SLC26A8: variants seen among roughly 807,000 people sequenced by gnomAD.
The protein encoded by SLC26A8 is testis anion transporter 1.
In SLC26A8, 70 loss-of-function variants were observed where a neutral mutation model predicts 105.0. The observed-to-expected ratio is 0.67, with a 90% CI of 0.55 to 0.81. The LOEUF (loss-of-function observed/expected upper bound fraction) is 0.81, where lower values mean the gene tolerates loss of function less well. SLC26A8 is among the 40% of genes least tolerant of loss of function. The pLI is 0.00. For synonymous variants in SLC26A8, 415 were observed against 438.3 expected, an observed-to-expected ratio of 0.95 and a Z score of 0.66; for missense variants, 998 against 1,181.8, an observed-to-expected ratio of 0.84 and a Z score of 2.28.
intron 7 of SLC26A8, among the ~76,000 whole-genome samples, chr6:35,986,541 C>T (rs1411727908): frequency 6.6e-6 from 1 of 152,176 alleles, no homozygotes; most frequent in African/African-American, 2.4e-5. Flanking sequence ...CACCATTCTA[C>T]TCTTCACTTC....
chr6:35,980,085 G>C (rs1294531336), intron 8 of SLC26A8, among the ~76,000 whole-genome samples: 1 of 152,150 alleles, frequency 6.6e-6, no homozygotes, highest in Non-Finnish European at 1.5e-5. Flanking sequence ...TGATTCTCTT[G>C]CCTTAGCCTC....
At chr6:35,994,577 C>T (rs909597766) in intron 5 of SLC26A8, among the ~76,000 whole-genome samples, 20 of 132,006 alleles carry the variant, frequency 1.5e-4, no homozygotes, top group African/African-American at 4.9e-4. Context: ...TGCATCATCT[C>T]TTTTTTTTTT....
intron 2 of SLC26A8, among the ~76,000 whole-genome samples, chr6:36,015,477 G>A (rs1211996334): frequency 1.3e-5 from 2 of 152,140 alleles, no homozygotes; most frequent in Non-Finnish European, 2.9e-5. Context: ...GGAGAGAATT[G>A]TATGTTTTAG....
At chr6:36,013,166 G>T (rs1356228298) in intron 2 of SLC26A8, among the ~76,000 whole-genome samples, 1 of 150,442 alleles carries the variant, frequency 6.6e-6, no homozygotes, top group Non-Finnish European at 1.5e-5. Flanking sequence ...GTGCAGTTTT[G>T]TTCCCCTGTG....
chr6:35,957,496 TC>T (rs1444163058), intron 16 of SLC26A8, among the ~76,000 whole-genome samples: 1 of 152,048 alleles, frequency 6.6e-6, no homozygotes, highest in Non-Finnish European at 1.5e-5. Context: ...AGAGAGCTGT[TC>T]CCAAGGCTTG....
rs766978287 is a variant in SLC26A8 at position 35,959,761 on chromosome 6, T to C, written c.1684A>G (p.Ile562Val). The change falls in exon 15 of 20, where the codon ATT becomes GTT. Residue 562 changes from isoleucine (I) to valine (V), a missense_variant. By Grantham distance (29) the Ile-to-Val change is conservative. Coordinates refer to ENST00000490799, the MANE Select transcript of SLC26A8 (RefSeq NM_052961.4). ...AGGTAGTAAACATTTACAAATGTAA[T>C]TGAGCTGCAGCACTGGAAGATTTTC... is the stretch of plus-strand genomic sequence containing the variant. ...GVKIFQCCSSITFVNVYYLKH... is the reference protein window; with the variant it reads ...GVKIFQCCSSVTFVNVYYLKH... The C allele has an allele frequency of 1.4e-5, 22 of 1,609,936 alleles. No individual in the cohort carries two copies. Among genetic ancestry groups the C allele is most frequent in the Non-Finnish European group, 1.8e-5 (21 of 1,179,174 alleles).
intron 11 of SLC26A8, among the ~76,000 whole-genome samples, chr6:35,963,836 T>C (rs914560908): frequency 1.3e-5 from 2 of 152,240 alleles, no homozygotes; most frequent in African/African-American, 4.8e-5. Flanking sequence ...ACTGGGCTTT[T>C]CTTCATGTTG....
intron 11 of SLC26A8, among the ~76,000 whole-genome samples, chr6:35,965,338 C>T (rs1421904353): frequency 1.3e-5 from 2 of 152,044 alleles, no homozygotes; most frequent in South Asian, 2.1e-4. Flanking sequence ...ATATAAAAAT[C>T]GTTCAGGGCT....
In SLC26A8 at chr6:35,944,081, TC is replaced by T; in HGVS notation, c.2731del (p.Glu911SerfsTer63). 6.2e-7 allele frequency: 1 copy of T among 1,614,036 alleles called. No homozygotes were observed. Among genetic ancestry groups the T allele is most frequent in the East Asian group, 2.2e-5 (1 of 44,874 alleles). ...EPQPETEPEM[E>X]PNPKSRPRAH... is the part of the protein sequence containing the mutation. ...TCTTGGCCTAGATTTGGGGTTGGGC[TC>T]CATCTCAGGCTCAGTCTCAGGCTGG... On this transcript the variant is annotated frameshift_variant, in exon 20 of 20. Transcript: ENST00000490799. LOFTEE classifies it high-confidence loss of function.
rs368161953 is a variant in SLC26A8, at chr6:36,007,937, G to A, written c.328+4296C>T. ...AAATCGAGACCGTCCTGGCTAACGCGGTGAAACCACGTGTCTACTAAAAAT... is the reference window on the plus strand; with the variant it reads ...AAATCGAGACCGTCCTGGCTAACGCAGTGAAACCACGTGTCTACTAAAAAT... On this transcript the variant is annotated intron_variant, in intron 3 of 19. Coordinates refer to ENST00000490799, the MANE Select transcript of SLC26A8 (RefSeq NM_052961.4). Among the ~76,000 whole-genome samples, 12 of 151,530 alleles carry A rather than the reference G, an allele frequency of 7.9e-5. No individual in the cohort carries two copies. In the East Asian group the frequency reaches 1.6e-3, roughly 20 times the overall value.
At chr6:36,018,168 T>C (rs1053815077) in intron 2 of SLC26A8, among the ~76,000 whole-genome samples, 1 of 152,236 alleles carries the variant, frequency 6.6e-6, no homozygotes, top group Non-Finnish European at 1.5e-5. Context: ...GATTCAACAA[T>C]TCTAGTCCTA....
intron 10 of SLC26A8, among the ~76,000 whole-genome samples, chr6:35,970,823 C>T (rs912382613): frequency 3.2e-4 from 48 of 151,952 alleles, no homozygotes; most frequent in African/African-American, 1.2e-3. Flanking sequence ...GTCAGGAGTT[C>T]GACACCAGCC....
At position 35,977,266 on chromosome 6, in the gene SLC26A8, G is replaced by C; in HGVS notation, c.1111C>G (p.Leu371Val). 2 of 1,614,086 alleles carry C rather than the reference G, an allele frequency of 1.2e-6. No homozygotes were observed. Among genetic ancestry groups the C allele is most frequent in the Non-Finnish European group, 1.7e-6 (2 of 1,179,994 alleles). ...AFSLSLVSSF[L>V]LIFLGKKIAS... is the part of the protein sequence containing the mutation. ...ATCTTCTTGCCCAGAAATATGAGCA[G>C]AAAGGAGCTCACCAAAGATAAGGAG... Residue 371 changes from leucine to valine, a missense_variant, in exon 9 of 20, where the codon CTG becomes GTG. Physicochemically the swap from Leu to Val is conservative, Grantham distance 32. Transcript: ENST00000490799.
intron 7 of SLC26A8, among the ~76,000 whole-genome samples, chr6:35,985,430 C>T (rs372388245): frequency 3.3e-5 from 5 of 152,072 alleles, no homozygotes; most frequent in African/African-American, 9.7e-5. Flanking sequence ...CATGGTGGCT[C>T]ATGCCTGTAA....
chr6:35,986,684 T>C (rs2127342284), intron 7 of SLC26A8, among the ~76,000 whole-genome samples: 1 of 152,278 alleles, frequency 6.6e-6, no homozygotes, highest in Non-Finnish European at 1.5e-5. Flanking sequence ...ATTTCCTTCT[T>C]TTTATTTTTT....
At chr6:35,972,716 C>A (rs1772844490) in intron 10 of SLC26A8, among the ~76,000 whole-genome samples, 1 of 152,202 alleles carries the variant, frequency 6.6e-6, no homozygotes, top group Admixed American at 6.5e-5. Context: ...AACAAGGTGG[C>A]AGCGGAAAAC....
intron 5 of SLC26A8, among the ~76,000 whole-genome samples, chr6:35,995,254 T>C (rs1353366420): frequency 6.6e-6 from 1 of 152,176 alleles, no homozygotes; most frequent in African/African-American, 2.4e-5. Flanking sequence ...CCCACTGTAA[T>C]ATGGCATCAC....
At chr6:36,000,477 T>C (rs990454428) in intron 3 of SLC26A8, among the ~76,000 whole-genome samples, 2 of 152,152 alleles carry the variant, frequency 1.3e-5, no homozygotes, top group Admixed American at 1.3e-4. Context: ...GTGGGAATTC[T>C]CCAGGGCTGA....
intron 5 of SLC26A8, among the ~76,000 whole-genome samples, chr6:35,993,203 C>T (rs1761236591): frequency 1.6e-5 from 2 of 124,588 alleles, no homozygotes; most frequent in African/African-American, 6.3e-5. Flanking sequence ...GGGGGTCTTG[C>T]TATATTACCT....
Sources: allele counts gnomAD v4.1 joint callset (sites outside exome capture counted in the v4.1 genomes callset), GRCh38; gene constraint gnomAD v4.1.1; transcripts MANE v1.5; gene names NCBI Gene and HGNC (gene_info 2026-07-23, HGNC 2026-07-21).